The following ACOX3 variants were observed in gnomAD, a reference collection of about 807,000 sequenced individuals.
ACOX3 encodes acyl-CoA oxidase 3, pristanoyl.
In ACOX3, 73 loss-of-function variants were observed where a neutral mutation model predicts 81.5. The observed-to-expected ratio is 0.90, with a 90% CI of 0.74 to 1.09. The LOEUF is 1.09. Among genes scored for constraint, ACOX3 ranks in the 50% least tolerant of loss-of-function variants. The probability of loss-of-function intolerance (pLI) is 0.00; values close to 1 mark genes in which losing one functional copy is unlikely to be tolerated. For synonymous variants in ACOX3, 387 were observed against 375.1 expected, an observed-to-expected ratio of 1.03 and a Z score of -0.37; for missense variants, 947 against 928.0, an observed-to-expected ratio of 1.02 and a Z score of -0.27.
chr4:8,392,182 G>T, intron 11 of ACOX3, 151 bp downstream of exon 11: 1 of 973,398 alleles, frequency 1.0e-6, no homozygotes, highest in Non-Finnish European at 1.4e-6. Context: ...AAATGAACGG[G>T]GGTGGCTGGC....
Position 8,370,786 on chromosome 4 carries a change from C to T in ACOX3, c.1983+122G>A, listed in dbSNP as rs545152717. On this transcript the variant is annotated intron_variant, in intron 17 of 17. Coordinates refer to ENST00000356406, the MANE Select transcript of ACOX3 (RefSeq NM_003501.3). The surrounding 1 kb of genome is among the most constrained non-coding windows in gnomAD (Gnocchi z 6.3). ...CTTGTCCCGGGCCCTCCCCAAGAAG[C>T]TCCTCCATGTGTGACCACTTTCCAG... 87 of 823,202 alleles carry T rather than the reference C, an allele frequency of 1.1e-4. 1 individual carries two copies. The highest frequency in any genetic ancestry group is 9.1e-4 in the East Asian group (35 of 38,578). The allele number at this position is 823,202 out of a possible 1,614,324, so 51.0% of individuals were successfully genotyped here.
rs1717519908 is a variant in ACOX3, at chr4:8,380,631, G to A, written c.1653+861C>T. ...CCCAGCAGCAGGCTGTGAGGTGCTG[G>A]GCCTTCCCAGAGACAGGCAGATGTG... On this transcript the variant is annotated intron_variant, in intron 14 of 17. Transcript: ENST00000356406. Among the ~76,000 whole-genome samples the A allele has an allele frequency of 1.3e-5, 2 of 152,164 alleles. 1 individual carries two copies. The highest frequency in any genetic ancestry group is 4.1e-4 in the South Asian group (2 of 4,824).
At chr4:8,392,148 C>A (rs867048733) in intron 11 of ACOX3, among the ~76,000 whole-genome samples, 185 bp downstream of exon 11, 4 of 152,342 alleles carry the variant, frequency 2.6e-5, no homozygotes, top group Non-Finnish European at 5.9e-5. Context: ...CCTTGCAGTG[C>A]GAAAACAGCT....
intron 1 of ACOX3, among the ~76,000 whole-genome samples, chr4:8,434,498 G>C (rs1233707410): frequency 6.6e-6 from 1 of 152,264 alleles, no homozygotes; most frequent in Non-Finnish European, 1.5e-5. Context: ...CAGCTTGCGC[G>C]ATGCAGATCC....
At chr4:8,377,894 G>T (rs377135457) in intron 14 of ACOX3, among the ~76,000 whole-genome samples, 1 of 152,174 alleles carries the variant, frequency 6.6e-6, no homozygotes, top group Non-Finnish European at 1.5e-5. Context: ...CACTCCAGCC[G>T]AGAGTGCTCA....
At chr4:8,357,871 C>A in the ACOX3 span, 1 of 158,150 alleles carries the variant, frequency 6.3e-6, no homozygotes, top group African/African-American at 2.4e-5. Flanking sequence ...TTCTAAGTCC[C>A]CCAGCCAACT....
downstream of ACOX3, among the ~76,000 whole-genome samples, chr4:8,365,356 G>A (rs975103257): frequency 1.6e-4 from 24 of 152,244 alleles, no homozygotes; most frequent in Non-Finnish European, 2.8e-4. Flanking sequence ...TGTAACCCAC[G>A]AAGAGTTTGT....
intron 7 of ACOX3, among the ~76,000 whole-genome samples, chr4:8,401,377 C>A (rs561847083): frequency 1.3e-5 from 2 of 152,278 alleles, no homozygotes; most frequent in African/African-American, 4.8e-5. Flanking sequence ...CCGTTTCCTG[C>A]GTGGGCTCTT....
In ACOX3 at chr4:8,437,233, A is replaced by C. The variant is rs73211347; in HGVS notation, c.-15+3415T>G. 8.8e-3 allele frequency among the ~76,000 whole-genome samples: 1,337 copies of C among 151,274 alleles called. 7 individuals are homozygous for C. The highest frequency in any genetic ancestry group is 0.034 in the South Asian group (162 of 4,806). On this transcript the variant is annotated intron_variant, in intron 1 of 17. Transcript: ENST00000356406. The surrounding 1 kb of genome is among the most constrained non-coding windows in gnomAD (Gnocchi z 5.2). The stretch of plus-strand genomic sequence containing the variant: ...GCATGAATATCACCCAGTCTATAAA[A>C]GTGGCCACCAAGGCGTATGTTAGCT...
chr4:8,357,795 C>T, the ACOX3 span: 1 of 167,002 alleles, frequency 6.0e-6, no homozygotes, highest in African/African-American at 2.4e-5. Flanking sequence ...CCGCCGCCCA[C>T]AGACAACACT....
Position 8,393,982 on chromosome 4 carries a change from A to G in ACOX3, c.1179+638T>C, listed in dbSNP as rs1445241483. Among the ~76,000 whole-genome samples, 3 of 152,316 alleles carry G rather than the reference A, an allele frequency of 2.0e-5. No individual in the cohort carries two copies. The East Asian group carries it at 5.8e-4, about 29-fold the overall frequency. On this transcript the variant is annotated intron_variant, in intron 10 of 17. Coordinates refer to ENST00000356406, the MANE Select transcript of ACOX3 (RefSeq NM_003501.3). The stretch of plus-strand genomic sequence containing the variant: ...TCATCTGCCGTGAATGTGGACACCG[A>G]TAATATTTCAAGATATGCTAATTAG...
At position 8,437,590 on chromosome 4, in the gene ACOX3, T is replaced by C. The variant is rs563149768; in HGVS notation, c.-15+3058A>G. ...GCCAATCTGTTAGCAACAGCTCTTATAAAAAGAGAGATTAGCAATGCGAGA... is the reference window on the plus strand; with the variant it reads ...GCCAATCTGTTAGCAACAGCTCTTACAAAAAGAGAGATTAGCAATGCGAGA... On this transcript the variant is annotated intron_variant, in intron 1 of 17. Transcript: ENST00000356406. The surrounding 1 kb of genome is among the most constrained non-coding windows in gnomAD (Gnocchi z 5.2). Among the ~76,000 whole-genome samples the C allele has an allele frequency of 2.0e-5, 3 of 152,260 alleles. No homozygotes were observed. The highest frequency in any genetic ancestry group is 6.5e-5 in the Admixed American group (1 of 15,306).
In ACOX3 at chr4:8,414,341, C is replaced by G; in HGVS notation, c.494G>C (p.Ser165Thr). The change falls in exon 5 of 18, where the codon AGT becomes ACT. Residue 165 changes from serine (S) to threonine (T), a missense_variant. Ser to Thr is a moderately conservative substitution (Grantham distance 58). Coordinates refer to ENST00000356406, the MANE Select transcript of ACOX3 (RefSeq NM_003501.3). This position sits in a 1 kb window ranked among gnomAD's most constrained non-coding sequence, Gnocchi z 6.1. The stretch of plus-strand genomic sequence containing the variant: ...AGTTGTGCGAATGGCCTTGGTATTA[C>G]TGCCGTGGCTTAATTCGGTCAGAGC... Reference protein sequence around the residue: ...CFALTELSHGSNTKAIRTTAH... With the variant: ...CFALTELSHGTNTKAIRTTAH... The G allele has an allele frequency of 6.2e-7, 1 of 1,614,168 alleles. No individual in the cohort carries two copies.
intron 10 of ACOX3, among the ~76,000 whole-genome samples, chr4:8,392,825 C>G (rs13134272): frequency 0.25 from 38,684 of 152,028 alleles, 5,449 homozygotes; most frequent in African/African-American, 0.38. Context: ...TTGTTTGCAG[C>G]GAAACCATGA....
chr4:8,405,832 C>T lies in ACOX3; in HGVS notation c.776+123G>A, dbSNP rs749370407. The T allele has an allele frequency of 7.0e-6, 7 of 1,001,022 alleles. No homozygotes were observed. The highest frequency in any genetic ancestry group is 9.4e-6 in the Non-Finnish European group (6 of 639,244). The allele number at this position is 1,001,022 out of a possible 1,614,324, so 62.0% of individuals were successfully genotyped here. A position where few individuals can be genotyped will look rare whatever the true frequency, so the allele number is the denominator to read the frequency against. On this transcript the variant is annotated intron_variant, in intron 7 of 17. Coordinates refer to ENST00000356406, the MANE Select transcript of ACOX3 (RefSeq NM_003501.3). The surrounding 1 kb of genome is among the most constrained non-coding windows in gnomAD (Gnocchi z 7.1). Reference sequence around the variant, plus strand: ...CACGGGGGCTAGGCGTAGGTCCCCACCGCATTTGAGTCTAAGAGGGCAGGG... The same window carrying T: ...CACGGGGGCTAGGCGTAGGTCCCCATCGCATTTGAGTCTAAGAGGGCAGGG...
Position 8,385,123 on chromosome 4 carries a change from G to A in ACOX3, c.1538-3516C>T, listed in dbSNP as rs1286539968. ...GTCTCGCAGAAGGAAAACAGGCTCA[G>A]AGAGATTAAAGCCTAGCTCAAGGTC... is the stretch of plus-strand genomic sequence containing the variant. On this transcript the variant is annotated intron_variant, in intron 13 of 17. Transcript: ENST00000356406. This position sits in a 1 kb window ranked among gnomAD's most constrained non-coding sequence, Gnocchi z 5.5. Among the ~76,000 whole-genome samples the A allele has an allele frequency of 6.6e-6, 1 of 152,146 alleles. No homozygotes were observed. Among genetic ancestry groups the A allele is most frequent in the African/African-American group, 2.4e-5 (1 of 41,430 alleles).
chr4:8,425,212 G>A (rs1723345224), intron 1 of ACOX3, among the ~76,000 whole-genome samples: 1 of 152,070 alleles, frequency 6.6e-6, no homozygotes, highest in African/African-American at 2.4e-5. Context: ...AGAAATAGAA[G>A]GGAACCGCGA....
rs143092717 is a variant in ACOX3 at position 8,382,990 on chromosome 4, C to CA, written c.1538-1384dup. On this transcript the variant is annotated intron_variant, in intron 13 of 17. Coordinates refer to ENST00000356406, the MANE Select transcript of ACOX3 (RefSeq NM_003501.3). The surrounding 1 kb of genome is among the most constrained non-coding windows in gnomAD (Gnocchi z 4.1). Reference sequence around the variant, plus strand: ...TGGGCGACAGAGCGAGACTCCGTCTCAAAAAAAAAAAAAAAAGAAAAGAAA... The same window carrying CA: ...TGGGCGACAGAGCGAGACTCCGTCTCAAAAAAAAAAAAAAAAAGAAAAGAAA... Among the ~76,000 whole-genome samples, 35,887 of 71,160 alleles carry CA rather than the reference C, an allele frequency of 0.5. 7,408 individuals carry two copies. The highest frequency in any genetic ancestry group is 0.59 in the South Asian group (1,292 of 2,202). The allele number at this position is 71,160 out of a possible 152,430, so 46.7% of individuals were successfully genotyped here.
chr4:8,375,703 C>T lies in ACOX3; in HGVS notation c.1654-551G>A, dbSNP rs1716886004. Among the ~76,000 whole-genome samples, 3 of 152,264 alleles carry T rather than the reference C, an allele frequency of 2.0e-5. No individual in the cohort carries two copies. The South Asian group carries it at 6.2e-4, about 31-fold the overall frequency. On this transcript the variant is annotated intron_variant, in intron 14 of 17. Coordinates refer to ENST00000356406, the MANE Select transcript of ACOX3 (RefSeq NM_003501.3). ...CGTAAGGCCCCCGCAGGCTCTGCCG[C>T]TCCCATCTTTATGTCCATGAGTGCC...
Sources: allele counts gnomAD v4.1 joint callset (sites outside exome capture counted in the v4.1 genomes callset), GRCh38; gene constraint gnomAD v4.1.1; non-coding constraint Gnocchi (gnomAD v3.1); transcripts MANE v1.5; gene names NCBI Gene and HGNC (gene_info 2026-07-23, HGNC 2026-07-21).